The following LARP1 variants were observed in gnomAD, a reference collection of about 807,000 sequenced individuals.
The protein encoded by LARP1 is la-related protein 1.
LARP1 carries 36 observed loss-of-function variants against 122.7 expected under a neutral mutation model. The ratio of observed to expected loss-of-function variants is 0.29; its 90% CI spans 0.22 to 0.39. The LOEUF (loss-of-function observed/expected upper bound fraction) is 0.39, where lower values mean the gene tolerates loss of function less well. Ranked by LOEUF, LARP1 falls within the 10% of genes least tolerant of loss-of-function variation. LARP1 has a pLI of 1.00. For missense variants in LARP1, 1,040 were observed against 1,403.6 expected, an observed-to-expected ratio of 0.74 and a Z score of 4.14; for synonymous variants, 539 against 528.7, an observed-to-expected ratio of 1.02 and a Z score of -0.27.
chr5:154,787,222 C>T (rs1034891487), intron 1 of LARP1, among the ~76,000 whole-genome samples: 7 of 152,210 alleles, frequency 4.6e-5, no homozygotes, highest in Non-Finnish European at 7.4e-5. Flanking sequence ...CCTGACTGGG[C>T]GTTGGGTCAG....
chr5:154,799,125 G>T (rs115019016), intron 8 of LARP1, among the ~76,000 whole-genome samples: 11,613 of 152,310 alleles, frequency 0.076, 505 homozygotes, highest in Admixed American at 0.14. Flanking sequence ...GGCTCCCAAA[G>T]TGCTAGGATT....
At chr5:154,720,244 T>C (rs985405307) in intron 1 of LARP1, among the ~76,000 whole-genome samples, 2 of 152,088 alleles carry the variant, frequency 1.3e-5, no homozygotes, top group African/African-American at 4.8e-5. Flanking sequence ...TAGATGGTAT[T>C]TTTGAAAGAT....
rs952246201 is a variant in LARP1, at chr5:154,814,179, G to A, written c.*83G>A. ...TGGGGGTGCCCAGTCCCAGGAAAGG[G>A]GACAATGAAGGGACAGGCCTGGAGT... On this transcript the variant is annotated 3_prime_UTR_variant, in exon 19 of 19. Coordinates refer to ENST00000518297, the MANE Select transcript of LARP1 (RefSeq NM_033551.3). The A allele has an allele frequency of 1.9e-5, 25 of 1,309,224 alleles. No individual in the cohort carries two copies. Among genetic ancestry groups the A allele is most frequent in the African/African-American group, 2.9e-5 (2 of 68,430 alleles). 81.1% of individuals were successfully genotyped at this position (1,309,224 alleles called of 1,614,324 possible). A position where few individuals can be genotyped will look rare whatever the true frequency, so the allele number is the denominator to read the frequency against.
intron 1 of LARP1, among the ~76,000 whole-genome samples, chr5:154,762,563 A>G (rs1264898525): frequency 1.3e-5 from 2 of 152,208 alleles, no homozygotes; most frequent in Non-Finnish European, 1.5e-5. Context: ...TTAGACTGGC[A>G]AAGCCCTAGG....
upstream of LARP1, among the ~76,000 whole-genome samples, chr5:154,712,681 A>G (rs1301090598): frequency 2.6e-5 from 4 of 152,188 alleles, no homozygotes; most frequent in East Asian, 7.7e-4. Flanking sequence ...GGTTGCCACC[A>G]TTTGTTTACT....
chr5:154,756,468 C>G, intron 1 of LARP1: 2 of 985,766 alleles, frequency 2.0e-6, no homozygotes, highest in Non-Finnish European at 2.4e-6. Flanking sequence ...GGGCCTACCT[C>G]GTCGGCAGAG....
chr5:154,803,267 C>T lies in LARP1; in HGVS notation c.2110-23C>T. ...CAGCCTGCTTACTTACATCTTTCCC[C>T]ACTCATCTCATGACCTCTGCAGCAA... is the stretch of plus-strand genomic sequence containing the variant. On this transcript the variant is annotated intron_variant, in intron 11 of 18. Transcript: ENST00000518297. The surrounding 1 kb of genome is among the most constrained non-coding windows in gnomAD (Gnocchi z 4.4). 6.2e-7 allele frequency: 1 copy of T among 1,614,164 alleles called. No individual in the cohort carries two copies. Among genetic ancestry groups the T allele is most frequent in the Non-Finnish European group, 8.5e-7 (1 of 1,180,020 alleles).
intron 1 of LARP1, among the ~76,000 whole-genome samples, chr5:154,716,900 A>G (rs1755539449): frequency 6.6e-6 from 1 of 152,134 alleles, no homozygotes; most frequent in African/African-American, 2.4e-5. Flanking sequence ...TCTCTACAAA[A>G]AATTCAAAAA....
chr5:154,741,339 C>T (rs541755372), intron 1 of LARP1, among the ~76,000 whole-genome samples: 18 of 152,286 alleles, frequency 1.2e-4, no homozygotes, highest in African/African-American at 4.3e-4. Context: ...TCTTTCAACA[C>T]ATACTGAGTG....
At chr5:154,729,636 A>G in intron 1 of LARP1, 1 of 413,772 alleles carries the variant, frequency 2.4e-6, no homozygotes, top group Non-Finnish European at 4.7e-6. Context: ...ACACTTTGTG[A>G]GAACCAATGA....
At chr5:154,768,198 A>G (rs1255661961) in intron 1 of LARP1, among the ~76,000 whole-genome samples, 1 of 152,188 alleles carries the variant, frequency 6.6e-6, no homozygotes, top group African/African-American at 2.4e-5. Context: ...GAGTTCCTTG[A>G]CATGGTAATA....
chr5:154,692,716 T>G (rs1329729323), intron 1 of LARP1, among the ~76,000 whole-genome samples: 1 of 152,202 alleles, frequency 6.6e-6, no homozygotes, highest in Non-Finnish European at 1.5e-5. Context: ...GGTGGACAGC[T>G]GGCCTTAAGT....
chr5:154,786,248 C>G (rs572195544), intron 1 of LARP1, among the ~76,000 whole-genome samples: 1 of 152,230 alleles, frequency 6.6e-6, no homozygotes, highest in South Asian at 2.1e-4. Context: ...ACCATGTTGG[C>G]CAGGCTGGTC....
chr5:154,782,606 C>G (rs935600957), intron 1 of LARP1, among the ~76,000 whole-genome samples: 1 of 152,204 alleles, frequency 6.6e-6, no homozygotes, highest in Non-Finnish European at 1.5e-5. Flanking sequence ...GATGCAGACT[C>G]TGCATTCCTG....
intron 7 of LARP1, 33 bp from the exon 8 acceptor site, chr5:154,795,142 C>G: frequency 6.2e-7 from 1 of 1,606,858 alleles, no homozygotes; most frequent in South Asian, 1.1e-5. Context: ...TGCACCAATC[C>G]CTCGGTGATA....
chr5:154,744,445 G>T (rs1279556989), intron 1 of LARP1, among the ~76,000 whole-genome samples: 1 of 151,976 alleles, frequency 6.6e-6, no homozygotes, highest in Non-Finnish European at 1.5e-5. Context: ...GGGAGGGATG[G>T]GGCCTGAGGC....
intron 1 of LARP1, among the ~76,000 whole-genome samples, chr5:154,739,267 A>G (rs993813931): frequency 2.6e-5 from 4 of 152,030 alleles, no homozygotes; most frequent in African/African-American, 9.7e-5. Flanking sequence ...TGATCCGCCC[A>G]CCTCGGCCTC....
intron 1 of LARP1, among the ~76,000 whole-genome samples, chr5:154,703,599 G>A (rs1432267327): frequency 6.6e-6 from 1 of 152,150 alleles, no homozygotes; most frequent in East Asian, 1.9e-4. Flanking sequence ...GGGAGACAAA[G>A]TGAGACCTTG....
At chr5:154,697,951 A>C (rs1200650636) in intron 1 of LARP1, among the ~76,000 whole-genome samples, 1 of 151,954 alleles carries the variant, frequency 6.6e-6, no homozygotes, top group African/African-American at 2.4e-5. Context: ...TCAGTCTCCC[A>C]AGTAGCTGAG....
Sources: allele counts gnomAD v4.1 joint callset (sites outside exome capture counted in the v4.1 genomes callset), GRCh38; gene constraint gnomAD v4.1.1; non-coding constraint Gnocchi (gnomAD v3.1); transcripts MANE v1.5; gene names NCBI Gene and HGNC (gene_info 2026-07-23, HGNC 2026-07-21).